The following TULP3 variants were observed in gnomAD, a reference collection of about 807,000 sequenced individuals.
TULP3 encodes the protein tubby-related protein 3.
TULP3 carries 38 observed loss-of-function variants against 50.7 expected under a neutral mutation model. The ratio of observed to expected loss-of-function variants is 0.75; its 90% CI spans 0.58 to 0.98. The LOEUF is 0.98. TULP3 is among the 50% of genes least tolerant of loss of function. TULP3 has a pLI of 0.00. For synonymous variants in TULP3, 183 were observed against 196.6 expected, an observed-to-expected ratio of 0.93 and a Z score of 0.58; for missense variants, 550 against 568.0, an observed-to-expected ratio of 0.97 and a Z score of 0.32.
intron 4 of TULP3, among the ~76,000 whole-genome samples, chr12:2,922,855 ATT>A (rs373807687): frequency 8.8e-5 from 12 of 136,764 alleles, no homozygotes; most frequent in African/African-American, 8.3e-5. Flanking sequence ...TAGAAAAATA[ATT>A]TTTTTTTTTT....
At chr12:2,929,850 A>G (rs1449931878) in intron 4 of TULP3, among the ~76,000 whole-genome samples, 9 of 152,112 alleles carry the variant, frequency 5.9e-5, no homozygotes, top group African/African-American at 2.2e-4. Context: ...CAGCCTCCCA[A>G]AGTGCTGGGA....
intron 4 of TULP3, among the ~76,000 whole-genome samples, chr12:2,929,885 A>G (rs535249314): frequency 2.0e-5 from 3 of 152,254 alleles, no homozygotes; most frequent in Non-Finnish European, 4.4e-5. Flanking sequence ...CACCGCGCCC[A>G]GCCTGCCCTG....
intron 2 of TULP3, among the ~76,000 whole-genome samples, chr12:2,918,234 C>G (rs1003152688): frequency 6.6e-6 from 1 of 152,018 alleles, no homozygotes; most frequent in Non-Finnish European, 1.5e-5. Context: ...CTGCCTCAGC[C>G]TCCCAAGTAG....
chr12:2,926,586 G>A (rs2098194810), intron 4 of TULP3, among the ~76,000 whole-genome samples: 1 of 152,138 alleles, frequency 6.6e-6, no homozygotes, highest in South Asian at 2.1e-4. Flanking sequence ...ATAAATTACA[G>A]ACCATACTCC....
chr12:2,929,151 T>C (rs1591535792), intron 4 of TULP3, among the ~76,000 whole-genome samples: 1 of 151,582 alleles, frequency 6.6e-6, no homozygotes, highest in African/African-American at 2.4e-5. Flanking sequence ...ACCCCGTCTC[T>C]ACTAAAAATA....
intron 1 of TULP3, among the ~76,000 whole-genome samples, chr12:2,906,032 A>AAT (rs1555112182): frequency 0.022 from 3,057 of 139,026 alleles, 49 homozygotes; most frequent in East Asian, 0.057. Context: ...AAAAAAAAAA[A>AAT]TTTTTTTTTT....
chr12:2,911,077 G>A (rs1407310378), intron 2 of TULP3, among the ~76,000 whole-genome samples: 3 of 151,250 alleles, frequency 2.0e-5, no homozygotes, highest in African/African-American at 7.3e-5. Context: ...TTTGTATATA[G>A]ATACATTTTC....
chr12:2,930,494 G>C (rs2098197349), intron 5 of TULP3, 149 bp downstream of exon 5: 2 of 544,684 alleles, frequency 3.7e-6, no homozygotes, highest in Non-Finnish European at 6.2e-6. Flanking sequence ...CATGATCTCA[G>C]CTCACTGCAA....
At chr12:2,938,349 A>C (rs1341522961) in intron 10 of TULP3, 64 bp downstream of exon 10, 21 of 1,495,610 alleles carry the variant, frequency 1.4e-5, no homozygotes, top group Non-Finnish European at 1.9e-5. Flanking sequence ...ATGGGAATGC[A>C]CATTCCCTGT....
chr12:2,940,590 C>T lies in TULP3; in HGVS notation c.*1146C>T, dbSNP rs991189925. 1.3e-6 allele frequency: 2 copies of T among 1,551,744 alleles called. No homozygotes were observed. Among genetic ancestry groups the T allele is most frequent in the Admixed American group, 2.0e-5 (1 of 51,010 alleles). Reference sequence around the variant, plus strand: ...GAGCTCCACCGTCAGCACCATTCAGCTGCATCCCTTGTGCACAGAACTGTT... The same window carrying T: ...GAGCTCCACCGTCAGCACCATTCAGTTGCATCCCTTGTGCACAGAACTGTT... On this transcript the variant is annotated 3_prime_UTR_variant, in exon 11 of 11. Coordinates refer to ENST00000448120, the MANE Select transcript of TULP3 (RefSeq NM_003324.5).
chr12:2,897,771 T>TAAAAAAAAA (rs71057851), intron 1 of TULP3, among the ~76,000 whole-genome samples: 3 of 125,762 alleles, frequency 2.4e-5, no homozygotes, highest in Non-Finnish European at 4.8e-5. Context: ...CCCTGTCTCT[T>TAAAAAAAAA]AAAAAAAAAA....
At position 2,939,963 on chromosome 12, in the gene TULP3, C is replaced by T. The variant is rs1199818440; in HGVS notation, c.*519C>T. On this transcript the variant is annotated 3_prime_UTR_variant, in exon 11 of 11. Transcript: ENST00000448120. The surrounding 1 kb of genome is among the most constrained non-coding windows in gnomAD (Gnocchi z 4.0). ...GAATGGGATTTCATGTGCTTGGAAACTTGCAGTAGAATCAGGGACTGACAT... is the reference window on the plus strand; with the variant it reads ...GAATGGGATTTCATGTGCTTGGAAATTTGCAGTAGAATCAGGGACTGACAT... 2.7e-5 allele frequency: 35 copies of T among 1,275,356 alleles called. No individual in the cohort carries two copies. The highest frequency in any genetic ancestry group is 3.5e-5 in the Non-Finnish European group (34 of 977,282). 79.0% of individuals were successfully genotyped at this position (1,275,356 alleles called of 1,614,324 possible). A position where few individuals can be genotyped will look rare whatever the true frequency, so the allele number is the denominator to read the frequency against.
rs549126197 is a variant in TULP3, at chr12:2,920,798, C to T, written c.129C>T (p.Arg43=). 3.2e-5 allele frequency: 52 copies of T among 1,614,142 alleles called. 1 individual carries two copies. The South Asian group carries it at 5.6e-4, about 17-fold the overall frequency. The change falls in exon 3 of 11, where the codon CGC becomes CGT. Residue 43 remains arginine (R), a synonymous_variant. Coordinates refer to ENST00000448120, the MANE Select transcript of TULP3 (RefSeq NM_003324.5). The stretch of plus-strand genomic sequence containing the variant: ...TTGAGAAGAGGCAAAGGAAAAAGCG[C>T]CTTGAGCCATTTATGGTGCAGCCCA... The part of the protein sequence containing the change: ...LLLEKRQRKK[R]LEPFMVQPNP...
At chr12:2,899,112 C>T (rs376720436) in intron 1 of TULP3, among the ~76,000 whole-genome samples, 64 of 151,470 alleles carry the variant, frequency 4.2e-4, no homozygotes, top group African/African-American at 1.4e-3. Context: ...TTGAGAGGCT[C>T]ATGCGGGTGG....
chr12:2,925,957 A>G (rs1041729619), intron 4 of TULP3, among the ~76,000 whole-genome samples: 8 of 152,184 alleles, frequency 5.3e-5, no homozygotes, highest in African/African-American at 1.9e-4. Context: ...AACAGGTTGC[A>G]TCTTGACTAT....
rs1459029453 is a variant in TULP3 at position 2,940,636 on chromosome 12, C to T, written c.*1192C>T. On this transcript the variant is annotated 3_prime_UTR_variant, in exon 11 of 11. Coordinates refer to ENST00000448120, the MANE Select transcript of TULP3 (RefSeq NM_003324.5). ...CTGTTTGCCAGCGTTGGGTGGGACA[C>T]CCGTGGCGGCTGCTCCCTCAGACCT... is the stretch of plus-strand genomic sequence containing the variant. The T allele has an allele frequency of 8.4e-6, 13 of 1,551,734 alleles. No individual in the cohort carries two copies. Among genetic ancestry groups the T allele is most frequent in the Non-Finnish European group, 1.1e-5 (13 of 1,147,008 alleles).
chr12:2,909,380 C>A, intron 1 of TULP3, 149 bp from the exon 2 acceptor site: 1 of 653,202 alleles, frequency 1.5e-6, no homozygotes, highest in Non-Finnish European at 2.5e-6. Context: ...CCTCCTGTAG[C>A]CAGTGTGGGT....
At chr12:2,911,579 A>T (rs972006579) in intron 2 of TULP3, among the ~76,000 whole-genome samples, 14 of 143,048 alleles carry the variant, frequency 9.8e-5, no homozygotes, top group Non-Finnish European at 1.8e-4. Context: ...GTTAGCCAGG[A>T]TGGTCTCGAA....
At chr12:2,897,216 G>T (rs2098176064) in intron 1 of TULP3, among the ~76,000 whole-genome samples, 2 of 151,920 alleles carry the variant, frequency 1.3e-5, no homozygotes, top group African/African-American at 4.8e-5. Flanking sequence ...CACCATGTTG[G>T]CCAGGCTGGT....
Sources: gnomAD v4.1 joint callset for allele counts (sites outside exome capture counted in the v4.1 genomes callset) on GRCh38, gnomAD v4.1.1 for gene constraint, Gnocchi (gnomAD v3.1) non-coding constraint, MANE v1.5 for transcripts, NCBI Gene and HGNC (gene_info 2026-07-23, HGNC 2026-07-21) for gene names.